Variants in ZC3H14 observed in about 807,000 individuals in gnomAD.
ZC3H14 encodes the protein zinc finger CCCH domain-containing protein 14.
A neutral mutation model predicts 92.4 loss-of-function variants in ZC3H14; 31 were observed. That is an observed-to-expected ratio of 0.34 (90% CI 0.25 to 0.45). The LOEUF is 0.45. Ranked by LOEUF, ZC3H14 falls within the 20% of genes least tolerant of loss-of-function variation. ZC3H14 has a pLI of 1.00. For missense variants in ZC3H14, 781 were observed against 897.3 expected (o/e 0.87, Z 1.66); for synonymous variants, 321 against 300.9 (o/e 1.07, Z -0.69).
chr14:88,580,846 AG>A (rs1468657058), intron 9 of ZC3H14, among the ~76,000 whole-genome samples: 1 of 152,260 alleles, frequency 6.6e-6, no homozygotes, highest in African/African-American at 2.4e-5. Context: ...CACATGACTT[AG>A]AAGAAAAGGA....
At chr14:88,583,869 T>C (rs933350893) in intron 9 of ZC3H14, among the ~76,000 whole-genome samples, 6 of 152,200 alleles carry the variant, frequency 3.9e-5, no homozygotes, top group African/African-American at 9.7e-5. Flanking sequence ...TGAGTTTTTG[T>C]GCTGCTTGAC....
In ZC3H14 at chr14:88,575,803, T is replaced by A. The variant is rs886387548; in HGVS notation, c.1023-37T>A. ...GGCTGGCCTGTGAGGAACTGAAATTTAAAGTTTAATAAAAATACCTTTCTT... is the reference window on the plus strand; with the variant it reads ...GGCTGGCCTGTGAGGAACTGAAATTAAAAGTTTAATAAAAATACCTTTCTT... On this transcript the variant is annotated intron_variant, in intron 7 of 16. Coordinates refer to ENST00000251038, the MANE Select transcript of ZC3H14 (RefSeq NM_024824.5). 20 of 1,562,740 alleles carry A rather than the reference T, an allele frequency of 1.3e-5. No homozygotes were observed. The African/African-American group carries it at 2.4e-4, about 19-fold the overall frequency.
chr14:88,582,226 T>G (rs1177131621), intron 9 of ZC3H14, among the ~76,000 whole-genome samples: 1 of 152,226 alleles, frequency 6.6e-6, no homozygotes, highest in African/African-American at 2.4e-5. Context: ...ACCAGTTGTT[T>G]TGTGCCTCTT....
chr14:88,576,501 C>T (rs1303970067), intron 8 of ZC3H14, among the ~76,000 whole-genome samples: 1 of 152,174 alleles, frequency 6.6e-6, no homozygotes, highest in Non-Finnish European at 1.5e-5. Context: ...GTTTTCAAAA[C>T]AGGAGATGAA....
chr14:88,619,038 T>C lies in ZC3H14; in HGVS notation c.*7287T>C. On this transcript the variant is annotated 3_prime_UTR_variant, in exon 17 of 17. Transcript: ENST00000251038. ...TTTAAATATTTCCCCAATTGTCATC[T>C]CCCAATTCCTTTAAAAACGTCTAAT... 2.7e-6 allele frequency: 1 copy of C among 367,958 alleles called. No individual in the cohort carries two copies. The highest frequency in any genetic ancestry group is 2.1e-5 in the African/African-American group (1 of 47,848). 22.8% of individuals were successfully genotyped at this position (367,958 alleles called of 1,614,324 possible).
At chr14:88,588,721 TTG>T (rs1183368366) in intron 9 of ZC3H14, among the ~76,000 whole-genome samples, 6 of 152,204 alleles carry the variant, frequency 3.9e-5, no homozygotes, top group Non-Finnish European at 7.4e-5. Context: ...CTTGTTTTCA[TTG>T]TTCTCTGGTG....
At chr14:88,594,008 A>G (rs1446031598) in intron 9 of ZC3H14, among the ~76,000 whole-genome samples, 2 of 152,192 alleles carry the variant, frequency 1.3e-5, no homozygotes, top group East Asian at 3.8e-4. Context: ...AGTTTACACG[A>G]TACTATATTA....
Position 88,572,672 on chromosome 14 carries a change from C to A in ZC3H14, c.526C>A (p.Pro176Thr). ...CTCTGAAGATGTGATTGATATTAAG[C>A]CAGAACCAGATGATCTCATTGACGA... is the stretch of plus-strand genomic sequence containing the variant. ...APSEDVIDIKPEPDDLIDEDL... is the reference protein window; with the variant it reads ...APSEDVIDIKTEPDDLIDEDL... Residue 176 changes from proline (P) to threonine (T), a missense_variant, in exon 6 of 17, where the codon CCA (proline) becomes ACA (threonine). By Grantham distance (38) the Pro-to-Thr change is conservative. Coordinates refer to ENST00000251038, the MANE Select transcript of ZC3H14 (RefSeq NM_024824.5). 1 of 1,614,154 alleles carries A rather than the reference C, an allele frequency of 6.2e-7. No individual in the cohort carries two copies. The highest frequency in any genetic ancestry group is 8.5e-7 in the Non-Finnish European group (1 of 1,180,040).
At chr14:88,584,954 A>G (rs1278081972) in intron 9 of ZC3H14, among the ~76,000 whole-genome samples, 2 of 152,198 alleles carry the variant, frequency 1.3e-5, no homozygotes, top group African/African-American at 4.8e-5. Flanking sequence ...ATGGTTAAAA[A>G]AAAAAGAAAA....
chr14:88,584,844 A>T (rs1468146662), intron 9 of ZC3H14, among the ~76,000 whole-genome samples: 1 of 152,330 alleles, frequency 6.6e-6, no homozygotes, highest in Non-Finnish European at 1.5e-5. Flanking sequence ...AAGTCATGAC[A>T]TTACAAGAAA....
intron 12 of ZC3H14, among the ~76,000 whole-genome samples, chr14:88,603,846 T>C (rs1191254867): frequency 6.6e-6 from 1 of 152,228 alleles, no homozygotes; most frequent in Non-Finnish European, 1.5e-5. Flanking sequence ...TGAAAATGTA[T>C]TGAATACCTT....
At chr14:88,582,903 TC>T (rs2082069831) in intron 9 of ZC3H14, among the ~76,000 whole-genome samples, 1 of 152,172 alleles carries the variant, frequency 6.6e-6, no homozygotes, top group African/African-American at 2.4e-5. Flanking sequence ...TAATTTTTTT[TC>T]TTCTTTTGTT....
rs1595216917 is a variant in ZC3H14, at chr14:88,622,110, A to T, written c.*10359A>T. On this transcript the variant is annotated 3_prime_UTR_variant, in exon 17 of 17. Coordinates refer to ENST00000251038, the MANE Select transcript of ZC3H14 (RefSeq NM_024824.5). ...GGATCAACTTTTTTAGTTTCTGCAC[A>T]GGAGTGAGAACATGTATTTATCTTT... The T allele has an allele frequency of 3.8e-5, 9 of 234,818 alleles. 2 individuals are homozygous for T. The highest frequency in any genetic ancestry group is 3.8e-4 in the Admixed American group (8 of 21,200). 14.5% of individuals were successfully genotyped at this position (234,818 alleles called of 1,614,324 possible).
At chr14:88,585,728 C>T (rs1402850237) in intron 9 of ZC3H14, among the ~76,000 whole-genome samples, 1 of 152,100 alleles carries the variant, frequency 6.6e-6, no homozygotes, top group Admixed American at 6.5e-5. Context: ...TGAAATTTTA[C>T]CACACAAATT....
rs2088213133 is a variant in ZC3H14 at position 88,618,657 on chromosome 14, T to C, written c.*6906T>C. The C allele has an allele frequency of 6.2e-7, 1 of 1,612,758 alleles. No homozygotes were observed. The highest frequency in any genetic ancestry group is 8.5e-7 in the Non-Finnish European group (1 of 1,179,424). ...ACAGTATTGGTACTGTACCTGGAGA[T>C]AACTGCTATCTGCAGAGAAGTCCAT... On this transcript the variant is annotated 3_prime_UTR_variant, in exon 17 of 17. Coordinates refer to ENST00000251038, the MANE Select transcript of ZC3H14 (RefSeq NM_024824.5).
chr14:88,599,448 T>C (rs1302931462), intron 10 of ZC3H14, among the ~76,000 whole-genome samples: 2 of 152,126 alleles, frequency 1.3e-5, no homozygotes, highest in African/African-American at 4.8e-5. Context: ...CAGCCTGTGG[T>C]CTCTACTCAG....
At chr14:88,590,254 C>G (rs2139886554) in intron 9 of ZC3H14, 1 of 152,500 alleles carries the variant, frequency 6.6e-6, no homozygotes, top group East Asian at 1.9e-4. Flanking sequence ...CCATCCCACA[C>G]AGCAGCAGCA....
chr14:88,571,216 C>G, intron 4 of ZC3H14, 92 bp downstream of exon 4: 1 of 1,177,156 alleles, frequency 8.5e-7, no homozygotes, highest in Non-Finnish European at 1.2e-6. Context: ...AAAAACCCAT[C>G]AATTTCAAAA....
intron 10 of ZC3H14, among the ~76,000 whole-genome samples, chr14:88,600,501 G>GGCACAATCCTGCTCATTGCAGCC: frequency 6.6e-6 from 1 of 150,556 alleles, no homozygotes; most frequent in East Asian, 2.0e-4. Flanking sequence ...GGAGTGCAGT[G>GGCACAATCCTGCTCATTGCAGCC]GCACAATCCT....
Sources: gnomAD v4.1 joint callset for allele counts (sites outside exome capture counted in the v4.1 genomes callset) on GRCh38, gnomAD v4.1.1 for gene constraint, MANE v1.5 for transcripts, NCBI Gene and HGNC (gene_info 2026-07-23, HGNC 2026-07-21) for gene names.